Variants in ZFPM1 observed in about 807,000 individuals in gnomAD.
ZFPM1 encodes the protein zinc finger protein ZFPM1.
A neutral mutation model predicts 46.3 loss-of-function variants in ZFPM1; 28 were observed. The ratio of observed to expected loss-of-function variants is 0.60; its 90% CI spans 0.45 to 0.83. ZFPM1 has a LOEUF of 0.83. ZFPM1 is among the 40% of genes least tolerant of loss of function. ZFPM1 has a pLI of 0.00. For synonymous variants in ZFPM1, 957 were observed against 675.9 expected (o/e 1.42, Z -6.45); for missense variants, 1,878 against 1,432.4 (o/e 1.31, Z -5.02).
intron 1 of ZFPM1, among the ~76,000 whole-genome samples, chr16:88,462,428 G>A (rs1217753149): frequency 6.6e-6 from 1 of 152,256 alleles, no homozygotes; most frequent in Non-Finnish European, 1.5e-5. Context: ...TCGCACGTGA[G>A]AAAATCGGGG....
chr16:88,476,442 GC>G (rs1483302845), intron 1 of ZFPM1, among the ~76,000 whole-genome samples: 1 of 152,100 alleles, frequency 6.6e-6, no homozygotes, highest in Non-Finnish European at 1.5e-5. Context: ...CCGCCAAGTG[GC>G]AGGGCGGCCA....
intron 4 of ZFPM1, among the ~76,000 whole-genome samples, chr16:88,524,886 C>T (rs1912191396): frequency 6.6e-6 from 1 of 152,228 alleles, no homozygotes; most frequent in Non-Finnish European, 1.5e-5. Flanking sequence ...GTTGGGGTGG[C>T]TGCTGGGGAC....
intron 7 of ZFPM1, 21 bp from the exon 8 acceptor site, chr16:88,532,592 TC>T (rs1567556537): frequency 6.4e-7 from 1 of 1,551,116 alleles, no homozygotes. Flanking sequence ...CGGGCACCGC[TC>T]TTACGCGCCC....
chr16:88,525,748 C>T (rs1461153739), intron 4 of ZFPM1, among the ~76,000 whole-genome samples: 1 of 152,228 alleles, frequency 6.6e-6, no homozygotes, highest in Non-Finnish European at 1.5e-5. Context: ...TTGGGCACCA[C>T]AGAGCGAGGC....
intron 3 of ZFPM1, among the ~76,000 whole-genome samples, chr16:88,499,645 G>T (rs12232460): frequency 6.6e-6 from 1 of 152,206 alleles, no homozygotes; most frequent in Non-Finnish European, 1.5e-5. Flanking sequence ...GGTGGAGGAC[G>T]GCTCAGGGGC....
Position 88,472,057 on chromosome 16 carries a change from G to T in ZFPM1, c.41-13882G>T, listed in dbSNP as rs150057662. Among the ~76,000 whole-genome samples the T allele has an allele frequency of 1.1e-3, 163 of 152,320 alleles. 1 individual carries two copies. Among genetic ancestry groups the T allele is most frequent in the African/African-American group, 3.6e-3 (150 of 41,574 alleles). ...TCTGTTGGGGCCACTCTCAGGACAGGTCACCTCAGCTGGGCTCCCACCACC... is the reference window on the plus strand; with the variant it reads ...TCTGTTGGGGCCACTCTCAGGACAGTTCACCTCAGCTGGGCTCCCACCACC... On this transcript the variant is annotated intron_variant, in intron 1 of 9. Transcript: ENST00000319555.
At position 88,493,063 on chromosome 16, in the gene ZFPM1, A is replaced by AGAGCTGTCCCGGGGTGCGGG. The variant is rs1179098612; in HGVS notation, c.268+3947_268+3966dup. ...TATGGAGAGCTATCCCGGGGTGCGGAGAGCTGTCCCGGGGTGCGGGGAGCT... is the reference window on the plus strand; with the variant it reads ...TATGGAGAGCTATCCCGGGGTGCGGAGAGCTGTCCCGGGGTGCGGGGAGCTGTCCCGGGGTGCGGGGAGCT... On this transcript the variant is annotated intron_variant, in intron 3 of 9. Transcript: ENST00000319555. Among the ~76,000 whole-genome samples, 149 of 121,454 alleles carry AGAGCTGTCCCGGGGTGCGGG rather than the reference A, an allele frequency of 1.2e-3. 1 individual carries two copies. Among genetic ancestry groups the AGAGCTGTCCCGGGGTGCGGG allele is most frequent in the Middle Eastern group, 5.3e-3 (1 of 190 alleles). The allele number at this position is 121,454 out of a possible 152,430, so 79.7% of individuals were successfully genotyped here.
At chr16:88,467,204 C>A (rs140024201) in intron 1 of ZFPM1, among the ~76,000 whole-genome samples, 2 of 152,154 alleles carry the variant, frequency 1.3e-5, no homozygotes, top group African/African-American at 4.8e-5. Flanking sequence ...CAAGAGTCTA[C>A]CCCTTGTCAG....
intron 4 of ZFPM1, among the ~76,000 whole-genome samples, chr16:88,520,993 AGGGT>A (rs1303016897): frequency 9.2e-5 from 2 of 21,720 alleles, no homozygotes; most frequent in South Asian, 2.5e-3. Flanking sequence ...GATGGATGGG[AGGGT>A]GGGTGGGTGG....
At chr16:88,490,873 T>C (rs1260428821) in intron 3 of ZFPM1, among the ~76,000 whole-genome samples, 1 of 152,182 alleles carries the variant, frequency 6.6e-6, no homozygotes, top group Non-Finnish European at 1.5e-5. Context: ...ATGATGTGAC[T>C]TGCCCACCTG....
At chr16:88,484,660 G>C (rs1597241565) in intron 1 of ZFPM1, among the ~76,000 whole-genome samples, 1 of 152,184 alleles carries the variant, frequency 6.6e-6, no homozygotes, top group African/African-American at 2.4e-5. Context: ...GGGTGCAGAG[G>C]GGGCAGTCGC....
At chr16:88,453,763 G>A in intron 1 of ZFPM1, 85 bp downstream of exon 1, 1 of 856,166 alleles carries the variant, frequency 1.2e-6, no homozygotes, top group Non-Finnish European at 1.4e-6. Context: ...GCCCGTCCCC[G>A]CTCTGCCCTG....
rs772557666 is a variant in ZFPM1, at chr16:88,497,805, G to A, written c.268+8652G>A. 6.6e-6 allele frequency among the ~76,000 whole-genome samples: 1 copy of A among 152,178 alleles called. No individual in the cohort carries two copies. The highest frequency in any genetic ancestry group is 1.5e-5 in the Non-Finnish European group (1 of 68,022). Reference sequence around the variant, plus strand: ...CGCCCGAGGCTGGGAATCCTCACCCGAGTGTGTGAGGGCGTCGGGCTGGTT... The same window carrying A: ...CGCCCGAGGCTGGGAATCCTCACCCAAGTGTGTGAGGGCGTCGGGCTGGTT... On this transcript the variant is annotated intron_variant, in intron 3 of 9. Coordinates refer to ENST00000319555, the MANE Select transcript of ZFPM1 (RefSeq NM_153813.3). This position sits in a 1 kb window ranked among gnomAD's most constrained non-coding sequence, Gnocchi z 5.4.
Position 88,534,693 on chromosome 16 carries a change from C to A in ZFPM1, c.2735C>A (p.Pro912His). The A allele has an allele frequency of 8.1e-6, 8 of 986,766 alleles. No individual in the cohort carries two copies. Among genetic ancestry groups the A allele is most frequent in the Non-Finnish European group, 9.6e-6 (8 of 832,372 alleles). 61.1% of individuals were successfully genotyped at this position (986,766 alleles called of 1,614,324 possible). Residue 912 changes from proline to histidine, a missense_variant, in exon 10 of 10, where the codon CCC (proline) becomes CAC (histidine). By Grantham distance (77) the Pro-to-His change is moderately conservative. Transcript: ENST00000319555. ...CCCGCCCCCGCCGCCTCCCCGCAGC[C>A]CGGGTCCCGTGGCCCCCGGGACGGC... ...PAPAPAASPQ[P>H]GSRGPRDGLG...
At chr16:88,505,141 A>C (rs2142409221) in intron 3 of ZFPM1, among the ~76,000 whole-genome samples, 1 of 152,294 alleles carries the variant, frequency 6.6e-6, no homozygotes, top group African/African-American at 2.4e-5. Context: ...GGGCTGCAGC[A>C]CCTGGGGCCG....
At chr16:88,507,464 C>T (rs774815617) in intron 3 of ZFPM1, among the ~76,000 whole-genome samples, 1 of 152,232 alleles carries the variant, frequency 6.6e-6, no homozygotes, top group Admixed American at 6.5e-5. Context: ...AACACACTGA[C>T]TGACTAGTGC....
chr16:88,522,754 G>A (rs1911998634), intron 4 of ZFPM1, among the ~76,000 whole-genome samples: 1 of 152,152 alleles, frequency 6.6e-6, no homozygotes, highest in South Asian at 2.1e-4. Flanking sequence ...CCAAGGGGCG[G>A]CAAACAGGGT....
In ZFPM1 at chr16:88,460,930, G is replaced by A. The variant is rs1243391632; in HGVS notation, c.40+7252G>A. On this transcript the variant is annotated intron_variant, in intron 1 of 9. Coordinates refer to ENST00000319555, the MANE Select transcript of ZFPM1 (RefSeq NM_153813.3). ...TGGTGAGGACCGAGGGGCGGGGCGG[G>A]AGGCCTGGTGATGACCGAGGGGCGG... Among the ~76,000 whole-genome samples the A allele has an allele frequency of 3.8e-4, 35 of 91,218 alleles. 3 individuals are homozygous for A. Among genetic ancestry groups the A allele is most frequent in the African/African-American group, 1.6e-3 (33 of 20,316 alleles). The allele number at this position is 91,218 out of a possible 152,430, so 59.8% of individuals were successfully genotyped here. A position where few individuals can be genotyped will look rare whatever the true frequency, so the allele number is the denominator to read the frequency against.
chr16:88,504,361 G>A (rs1910538170), intron 3 of ZFPM1, among the ~76,000 whole-genome samples: 1 of 152,116 alleles, frequency 6.6e-6, no homozygotes, highest in Non-Finnish European at 1.5e-5. Context: ...CAGTTCTCAG[G>A]CCTCAGGGTC....
Sources: gnomAD v4.1 joint callset for allele counts (sites outside exome capture counted in the v4.1 genomes callset) on GRCh38, gnomAD v4.1.1 for gene constraint, Gnocchi (gnomAD v3.1) non-coding constraint, MANE v1.5 for transcripts, NCBI Gene and HGNC (gene_info 2026-07-23, HGNC 2026-07-21) for gene names.